Variants in CD44 observed in about 807,000 individuals in gnomAD.
The protein encoded by CD44 is CD44 molecule (IN blood group), also known as CD44 antigen.
In CD44, 49 loss-of-function variants were observed where a neutral mutation model predicts 88.8. That is an observed-to-expected ratio of 0.55 (90% CI 0.44 to 0.70). The LOEUF is 0.70. Ranked by LOEUF, CD44 falls within the 30% of genes least tolerant of loss-of-function variation. The pLI, the probability that CD44 is intolerant of heterozygous loss-of-function variation, is 0.00. For missense variants in CD44, 883 were observed against 913.8 expected (o/e 0.97, Z 0.43); for synonymous variants, 325 against 312.3 (o/e 1.04, Z -0.43).
Position 35,230,648 on chromosome 11 carries a change from C to G in CD44, c.*1315C>G, listed in dbSNP as rs950329194. 6.6e-6 allele frequency: 1 copy of G among 152,188 alleles called. No homozygotes were observed. Among genetic ancestry groups the G allele is most frequent in the African/African-American group, 2.4e-5 (1 of 41,452 alleles). The allele number at this position is 152,188 out of a possible 1,614,324, so 9.4% of individuals were successfully genotyped here. The stretch of plus-strand genomic sequence containing the variant: ...CTCAAAAGGTTAAAGGGATTCCCAT[C>G]ATTGGAATCTTATCACCAGATAGGC... On this transcript the variant is annotated 3_prime_UTR_variant, in exon 18 of 18. Coordinates refer to ENST00000428726, the MANE Select transcript of CD44 (RefSeq NM_000610.4).
At chr11:35,167,242 C>G (rs1173242830) in intron 1 of CD44, among the ~76,000 whole-genome samples, 1 of 151,080 alleles carries the variant, frequency 6.6e-6, no homozygotes, top group Non-Finnish European at 1.5e-5. Flanking sequence ...CAATTATGAA[C>G]CACTGAGTTT....
chr11:35,201,820 A>G (rs1172965709), intron 9 of CD44, 33 bp downstream of exon 9: 1 of 1,609,018 alleles, frequency 6.2e-7, no homozygotes, highest in South Asian at 1.1e-5. Flanking sequence ...GTTCTGGGTT[A>G]GATGAATTAG....
intron 2 of CD44, among the ~76,000 whole-genome samples, chr11:35,179,067 T>C (rs1273574733): frequency 6.6e-6 from 1 of 152,186 alleles, no homozygotes; most frequent in Non-Finnish European, 1.5e-5. Context: ...CTAAGGAGGC[T>C]TTGGGGAAAC....
At chr11:35,210,105 A>G in intron 13 of CD44, 51 bp downstream of exon 13, 2 of 1,029,652 alleles carry the variant, frequency 1.9e-6, no homozygotes, top group Non-Finnish European at 2.8e-6. Flanking sequence ...GAATCAATCA[A>G]TTATGGGTAC....
At chr11:35,198,277 T>C (rs1363958426) in intron 7 of CD44, 31 bp downstream of exon 7, 1 of 1,603,600 alleles carries the variant, frequency 6.2e-7, no homozygotes, top group African/African-American at 1.3e-5. Flanking sequence ...TACAGCCATT[T>C]ATGCAAGGCT....
intron 5 of CD44, among the ~76,000 whole-genome samples, chr11:35,190,624 A>C (rs947282870): frequency 6.6e-6 from 1 of 152,266 alleles, no homozygotes; most frequent in Non-Finnish European, 1.5e-5. Context: ...AACAGTAGGC[A>C]TACGTGGGTC....
chr11:35,206,104 G>T lies in CD44; in HGVS notation c.1283-8G>T. The T allele has an allele frequency of 4.4e-6, 7 of 1,597,886 alleles. No homozygotes were observed. Among genetic ancestry groups the T allele is most frequent in the Non-Finnish European group, 6.0e-6 (7 of 1,174,016 alleles). On this transcript the variant is annotated splice_region_variant and splice_polypyrimidine_tract_variant and intron_variant, in intron 10 of 17. Transcript: ENST00000428726. ...ACTTTGACAATTGCTCAAACTGCAT[G>T]GTCACAGCAGCCTCAGCTCATACCA...
chr11:35,223,174 G>A, intron 17 of CD44: 1 of 985,270 alleles, frequency 1.0e-6, no homozygotes. Flanking sequence ...AAATCTAAAA[G>A]GCCGCCTATG....
chr11:35,161,467 G>A (rs922516441), intron 1 of CD44, among the ~76,000 whole-genome samples: 9 of 152,158 alleles, frequency 5.9e-5, no homozygotes, highest in African/African-American at 2.2e-4. Context: ...ACCAGCAATT[G>A]TGAAGCAATG....
At chr11:35,159,985 T>C (rs371476062) in intron 1 of CD44, among the ~76,000 whole-genome samples, 2 of 152,328 alleles carry the variant, frequency 1.3e-5, no homozygotes, top group South Asian at 2.1e-4. Context: ...TGAGAACTCT[T>C]GGGAGGCATC....
intron 1 of CD44, among the ~76,000 whole-genome samples, chr11:35,174,594 T>C (rs1454921750): frequency 6.6e-6 from 1 of 152,198 alleles, no homozygotes; most frequent in Non-Finnish European, 1.5e-5. Flanking sequence ...CAGGATCAAG[T>C]AGAAGAGGAT....
chr11:35,164,454 A>T lies in CD44; in HGVS notation c.68-12121A>T, dbSNP rs181978850. Among the ~76,000 whole-genome samples, 7 of 152,282 alleles carry T rather than the reference A, an allele frequency of 4.6e-5. No individual in the cohort carries two copies. In the East Asian group the frequency reaches 1.4e-3, roughly 29 times the overall value. On this transcript the variant is annotated intron_variant, in intron 1 of 17. Transcript: ENST00000428726. ...TTGCAGAATCTTTTCTTTTTCACTT[A>T]AGGAGATGCTAAAAGAGGCAAGAGG...
intron 1 of CD44, among the ~76,000 whole-genome samples, chr11:35,159,217 T>C (rs926291081): frequency 2.6e-5 from 4 of 152,244 alleles, no homozygotes; most frequent in African/African-American, 9.6e-5. Flanking sequence ...TCCATCGTTT[T>C]TAATCAATTC....
intron 1 of CD44, among the ~76,000 whole-genome samples, chr11:35,159,740 G>A (rs547918241): frequency 2.0e-5 from 3 of 152,300 alleles, no homozygotes; most frequent in African/African-American, 7.2e-5. Flanking sequence ...AGAAACTGAG[G>A]CTCATAAAGC....
chr11:35,158,822 G>A (rs1428860487), intron 1 of CD44, among the ~76,000 whole-genome samples: 3 of 152,230 alleles, frequency 2.0e-5, no homozygotes, highest in Non-Finnish European at 4.4e-5. Context: ...AATGTTCCGG[G>A]AAGCAGGATT....
intron 1 of CD44, among the ~76,000 whole-genome samples, chr11:35,165,364 T>C (rs1330157899): frequency 1.3e-5 from 2 of 152,208 alleles, no homozygotes; most frequent in Admixed American, 1.3e-4. Flanking sequence ...AGATCTGGGT[T>C]TACCAAACTC....
intron 14 of CD44, among the ~76,000 whole-genome samples, chr11:35,211,710 T>A (rs1362012417): frequency 6.6e-6 from 1 of 151,876 alleles, no homozygotes; most frequent in Non-Finnish European, 1.5e-5. Flanking sequence ...GTGTGTTGTG[T>A]GTACAAGTTG....
Position 35,201,783 on chromosome 11 carries a change from C to T in CD44, c.1149C>T (p.Ser383=), listed in dbSNP as rs775453575. 2 of 1,613,510 alleles carry T rather than the reference C, an allele frequency of 1.2e-6. No individual in the cohort carries two copies. The highest frequency in any genetic ancestry group is 1.7e-6 in the Non-Finnish European group (2 of 1,179,558). The change falls in exon 9 of 18, where the codon AGC becomes AGT. Residue 383 remains serine, a synonymous_variant. Coordinates refer to ENST00000428726, the MANE Select transcript of CD44 (RefSeq NM_000610.4). ...HEEEETPHST[S]TIQATPSSTT... Reference sequence around the variant, plus strand: ...AAGAAGAGACCCCACATTCTACAAGCACAAGTAAGCAAGATGGCGGTCGGC... The same window carrying T: ...AAGAAGAGACCCCACATTCTACAAGTACAAGTAAGCAAGATGGCGGTCGGC...
chr11:35,181,884 T>C (rs1240746151), intron 3 of CD44, among the ~76,000 whole-genome samples: 1 of 61,258 alleles, frequency 1.6e-5, no homozygotes, highest in Non-Finnish European at 2.9e-5. Context: ...TTATATATAA[T>C]TCTATATATA....
Sources: allele counts gnomAD v4.1 joint callset (sites outside exome capture counted in the v4.1 genomes callset), GRCh38; gene constraint gnomAD v4.1.1; transcripts MANE v1.5; gene names NCBI Gene and HGNC (gene_info 2026-07-23, HGNC 2026-07-21).